The following MAPDA variants were observed in gnomAD, a reference collection of about 807,000 sequenced individuals.
MAPDA encodes N6-Methyl-AMP deaminase.
At chr15:43,330,575 G>A in the MAPDA span, 5 of 1,425,750 alleles carry the variant, frequency 3.5e-6, no homozygotes, top group Middle Eastern at 5.2e-4. Context: ...TCGGTAGGGG[G>A]AAAAAAACCA....
the MAPDA span, among the ~76,000 whole-genome samples, chr15:43,339,673 G>A: frequency 3.3e-5 from 5 of 152,036 alleles, no homozygotes; most frequent in African/African-American, 1.2e-4. Flanking sequence ...AGGAACTTTT[G>A]GATTATTGAG....
the MAPDA span, among the ~76,000 whole-genome samples, chr15:43,350,248 T>G: frequency 6.6e-6 from 1 of 151,318 alleles, no homozygotes; most frequent in African/African-American, 2.4e-5. Flanking sequence ...TTTTTTTTTT[T>G]TGTATTTTTT....
the MAPDA span, among the ~76,000 whole-genome samples, chr15:43,350,232 A>ATT: frequency 2.2e-5 from 3 of 138,588 alleles, no homozygotes; most frequent in Non-Finnish European, 1.6e-5. Flanking sequence ...CGCCCAGCTA[A>ATT]TTTTTTTTTT....
the MAPDA span, chr15:43,346,114 C>A: frequency 8.1e-7 from 1 of 1,236,354 alleles, no homozygotes; most frequent in Non-Finnish European, 1.1e-6. Context: ...AAGGCCTGTT[C>A]TGCCCTGGAT....
the MAPDA span, chr15:43,332,227 A>G: frequency 6.6e-6 from 1 of 152,332 alleles, no homozygotes; most frequent in Non-Finnish European, 1.5e-5. Flanking sequence ...AGTGTAAGGC[A>G]TTCAGATCTG....
the MAPDA span, chr15:43,351,730 C>T: frequency 1.3e-6 from 2 of 1,504,292 alleles, no homozygotes; most frequent in Non-Finnish European, 1.8e-6. Context: ...CATTTTGAAA[C>T]ATTCTTGTTT....
chr15:43,334,891 A>G, the MAPDA span: 1 of 454,368 alleles, frequency 2.2e-6, no homozygotes, highest in South Asian at 3.3e-5. Flanking sequence ...AAAAATTAAC[A>G]AAATCCTGTT....
the MAPDA span, among the ~76,000 whole-genome samples, chr15:43,344,208 A>C: frequency 2.0e-5 from 3 of 152,188 alleles, no homozygotes; most frequent in African/African-American, 7.2e-5. Context: ...CAGGAAATAG[A>C]TTGATTTATG....
At chr15:43,342,005 A>G in the MAPDA span, among the ~76,000 whole-genome samples, 2 of 151,680 alleles carry the variant, frequency 1.3e-5, no homozygotes, top group Non-Finnish European at 2.9e-5. Context: ...CACTTGGCTC[A>G]TTTTCATATT....
At chr15:43,334,068 T>C in the MAPDA span, among the ~76,000 whole-genome samples, 1 of 152,238 alleles carries the variant, frequency 6.6e-6, no homozygotes, top group African/African-American at 2.4e-5. Flanking sequence ...GATTGAGATA[T>C]CAGTGTGATT....
the MAPDA span, chr15:43,349,409 C>G: frequency 3.5e-6 from 3 of 856,462 alleles, no homozygotes; most frequent in Non-Finnish European, 4.3e-6. Context: ...ATGGAAAATC[C>G]CAAGTATATT....
the MAPDA span, chr15:43,340,129 C>G: frequency 8.1e-6 from 6 of 737,552 alleles, no homozygotes; most frequent in Non-Finnish European, 1.1e-5. Flanking sequence ...AGTGGATAAT[C>G]TCTACCACGT....
the MAPDA span, among the ~76,000 whole-genome samples, chr15:43,346,168 C>CAATT: frequency 2.0e-5 from 3 of 151,962 alleles, no homozygotes; most frequent in African/African-American, 7.3e-5. Context: ...TTCTGTGAAA[C>CAATT]AATTAAGTAC....
At chr15:43,352,254 C>T in the MAPDA span, 1 of 246,766 alleles carries the variant, frequency 4.1e-6, no homozygotes, top group African/African-American at 2.2e-5. Context: ...CGAAGTTTCT[C>T]ATCAGGAAAT....
At chr15:43,343,251 A>G in the MAPDA span, among the ~76,000 whole-genome samples, 1 of 152,254 alleles carries the variant, frequency 6.6e-6, no homozygotes, top group East Asian at 1.9e-4. Flanking sequence ...GAGTTTATTC[A>G]TAAGGCAATA....
chr15:43,345,466 A>C, the MAPDA span, among the ~76,000 whole-genome samples: 1 of 152,224 alleles, frequency 6.6e-6, no homozygotes, highest in Non-Finnish European at 1.5e-5. Context: ...TCAACAAATA[A>C]GTTACAAGAA....
the MAPDA span, chr15:43,330,912 C>T: frequency 6.4e-6 from 1 of 157,250 alleles, no homozygotes; most frequent in Non-Finnish European, 1.4e-5. Context: ...AAGGAAGGGT[C>T]TGGTAGGAGC....
the MAPDA span, among the ~76,000 whole-genome samples, chr15:43,336,291 C>A: frequency 1.4e-4 from 21 of 152,230 alleles, no homozygotes; most frequent in African/African-American, 5.1e-4. Context: ...GCTATCCACT[C>A]GCCTTGGCTT....
chr15:43,347,602 C>T, the MAPDA span, among the ~76,000 whole-genome samples: 1 of 152,194 alleles, frequency 6.6e-6, no homozygotes, highest in Non-Finnish European at 1.5e-5. Context: ...TAGTCACTTT[C>T]TTAAGCACAT....
Sources: gnomAD v4.1 joint callset for allele counts (sites outside exome capture counted in the v4.1 genomes callset) on GRCh38, gnomAD v4.1.1 for gene constraint, MANE v1.5 for transcripts, NCBI Gene and HGNC (gene_info 2026-07-23, HGNC 2026-07-21) for gene names.